MVD: variants seen among roughly 807,000 people sequenced by gnomAD.
MVD encodes mevalonate diphosphate decarboxylase, also known as diphosphomevalonate decarboxylase.
Under a neutral mutation model 42.4 loss-of-function variants are expected in MVD, and 52 were observed. The observed-to-expected ratio is 1.23, with a 90% confidence interval of 0.98 to 1.55. MVD has a LOEUF of 1.55. Ranked by LOEUF, MVD falls within the 40% of genes most tolerant of loss-of-function variation. The pLI is 0.00. For missense variants in MVD, 663 were observed against 572.1 expected (o/e 1.16, Z -1.62); for synonymous variants, 287 against 243.2 (o/e 1.18, Z -1.68).
intron 4 of MVD, 43 bp downstream of exon 4, chr16:88,657,393 C>G (rs754574323): frequency 2.6e-6 from 4 of 1,547,578 alleles, no homozygotes; most frequent in East Asian, 2.4e-5. Flanking sequence ...GTGGCTCCTG[C>G]GCCCACAGCC....
intron 8 of MVD, among the ~76,000 whole-genome samples, chr16:88,654,355 G>A (rs1023428732): frequency 3.3e-5 from 5 of 152,198 alleles, no homozygotes; most frequent in African/African-American, 7.2e-5. Flanking sequence ...GGACACTTAC[G>A]CACACATCTG....
At chr16:88,658,973 T>G in intron 1 of MVD, 1 of 474,374 alleles carries the variant, frequency 2.1e-6, no homozygotes, top group Non-Finnish European at 3.9e-6. Context: ...CCTTCATCGC[T>G]TCTACTCCAG....
intron 4 of MVD, chr16:88,657,133 G>GC: frequency 1.8e-6 from 1 of 557,572 alleles, no homozygotes; most frequent in South Asian, 1.6e-5. Flanking sequence ...GTAGAGATGG[G>GC]GGGGGGTCTC....
rs1907615105 is a variant in MVD at position 88,652,294 on chromosome 16, C to G, written c.*231G>C. ...TTCTCATACCCCCTCCCCATCCCAT[C>G]TTGGCAAAGCGCTGGTGCAGCTTAG... On this transcript the variant is annotated 3_prime_UTR_variant, in exon 10 of 10. Transcript: ENST00000301012. 2 of 604,258 alleles carry G rather than the reference C, an allele frequency of 3.3e-6. No individual in the cohort carries two copies. The highest frequency in any genetic ancestry group is 3.8e-5 in the South Asian group (2 of 52,358). 37.4% of individuals were successfully genotyped at this position (604,258 alleles called of 1,614,324 possible).
intron 1 of MVD, 197 bp downstream of exon 1, chr16:88,662,814 G>A: frequency 1.4e-6 from 2 of 1,468,398 alleles, no homozygotes; most frequent in Non-Finnish European, 1.8e-6. Context: ...GGGGGAACGG[G>A]TGGCGCCGAG....
chr16:88,662,742 G>T (rs1054738872), intron 1 of MVD: 1 of 1,469,546 alleles, frequency 6.8e-7, no homozygotes, highest in Non-Finnish European at 9.0e-7. Context: ...TGATGATTTC[G>T]ATAGTTCGGT....
chr16:88,656,000 G>A, intron 5 of MVD, 105 bp downstream of exon 5: 3 of 1,436,290 alleles, frequency 2.1e-6, no homozygotes, highest in Non-Finnish European at 2.8e-6. Flanking sequence ...GACCCCAGGA[G>A]CCAAGCAAAG....
intron 1 of MVD, among the ~76,000 whole-genome samples, chr16:88,661,447 C>A (rs930616380): frequency 6.6e-6 from 1 of 152,088 alleles, no homozygotes; most frequent in African/African-American, 2.4e-5. Context: ...TGGTCTCAAA[C>A]TCCTGACCTC....
chr16:88,653,984 C>G (rs913803104), intron 8 of MVD, among the ~76,000 whole-genome samples: 13 of 152,042 alleles, frequency 8.6e-5, no homozygotes, highest in African/African-American at 3.1e-4. Flanking sequence ...TTCCAGACAC[C>G]CTTAAATGGG....
At chr16:88,654,621 C>T in intron 8 of MVD, 71 bp downstream of exon 8, 1 of 1,467,766 alleles carries the variant, frequency 6.8e-7, no homozygotes, top group East Asian at 2.5e-5. Flanking sequence ...CCTTCAGGTG[C>T]CTCCGTCTCT....
At chr16:88,658,984 C>T (rs1908120769) in intron 1 of MVD, 1 of 492,116 alleles carries the variant, frequency 2.0e-6, no homozygotes, top group Non-Finnish European at 3.8e-6. Context: ...TCTACTCCAG[C>T]ATCCGTGAGT....
chr16:88,662,868 C>T (rs1908399202), intron 1 of MVD, 143 bp downstream of exon 1: 2 of 1,442,964 alleles, frequency 1.4e-6, no homozygotes, highest in Non-Finnish European at 1.8e-6. Flanking sequence ...ACCACCGCCG[C>T]GCCCCTCCCT....
chr16:88,657,671 AC>A (rs1908021302), intron 3 of MVD, 89 bp from the exon 4 acceptor site: 3 of 1,537,612 alleles, frequency 2.0e-6, no homozygotes, highest in Non-Finnish European at 2.7e-6. Context: ...ACAGCTGAAC[AC>A]CAGGCCTCTG....
Position 88,655,603 on chromosome 16 carries a change from C to G in MVD, c.678+53G>C. On this transcript the variant is annotated intron_variant, in intron 6 of 9. Coordinates refer to ENST00000301012, the MANE Select transcript of MVD (RefSeq NM_002461.3). ...GCCCAGACAGAGGCTGAGGGCAGAG[C>G]CGGGCACAAGCGTGACTCCCAGGGC... 1.9e-6 allele frequency: 3 copies of G among 1,540,386 alleles called. No homozygotes were observed. The African/African-American group carries it at 4.1e-5, about 21-fold the overall frequency.
At chr16:88,655,954 G>A (rs1381480916) in intron 5 of MVD, 151 bp downstream of exon 5, 4 of 1,210,882 alleles carry the variant, frequency 3.3e-6, no homozygotes, top group Non-Finnish European at 2.3e-6. Flanking sequence ...CGGTTCCTGA[G>A]CACTCAACCA....
At chr16:88,654,032 C>G (rs1439526016) in intron 8 of MVD, among the ~76,000 whole-genome samples, 1 of 152,074 alleles carries the variant, frequency 6.6e-6, no homozygotes, top group African/African-American at 2.4e-5. Flanking sequence ...ACCATGAAAA[C>G]ACGGGAGGGA....
At chr16:88,657,669 A>G (rs1391094720) in intron 3 of MVD, 87 bp from the exon 4 acceptor site, 1 of 1,545,492 alleles carries the variant, frequency 6.5e-7, no homozygotes, top group African/African-American at 1.4e-5. Context: ...TCACAGCTGA[A>G]CACCAGGCCT....
chr16:88,653,563 C>T (rs1907716970), intron 8 of MVD, 155 bp from the exon 9 acceptor site: 1 of 608,274 alleles, frequency 1.6e-6, no homozygotes. Flanking sequence ...GGACAGGTTT[C>T]TTTTAGGGGT....
At chr16:88,661,791 G>A (rs989197678) in intron 1 of MVD, among the ~76,000 whole-genome samples, 3 of 150,318 alleles carry the variant, frequency 2.0e-5, no homozygotes, top group South Asian at 2.1e-4. Context: ...CTGCATCACC[G>A]TAGGGATGCA....
Sources: gnomAD v4.1 joint callset for allele counts (sites outside exome capture counted in the v4.1 genomes callset) on GRCh38, gnomAD v4.1.1 for gene constraint, MANE v1.5 for transcripts, NCBI Gene and HGNC (gene_info 2026-07-23, HGNC 2026-07-21) for gene names.